Variants in RUSC2 observed in about 807,000 individuals in gnomAD.
The protein encoded by RUSC2 is AP-4 complex accessory subunit RUSC2.
Under a neutral mutation model 122.2 loss-of-function variants are expected in RUSC2, and 34 were observed. That is an observed-to-expected ratio of 0.28 (90% CI 0.21 to 0.37). The LOEUF (loss-of-function observed/expected upper bound fraction) is 0.37. RUSC2 is among the 10% of genes least tolerant of loss of function. The pLI is 1.00. For synonymous variants in RUSC2, 784 were observed against 790.0 expected (o/e 0.99, Z 0.13); for missense variants, 1,747 against 1,952.4 (o/e 0.89, Z 1.98).
At chr9:35,542,665 A>G (rs1230982891) in intron 1 of RUSC2, among the ~76,000 whole-genome samples, 1 of 152,234 alleles carries the variant, frequency 6.6e-6, no homozygotes, top group East Asian at 1.9e-4. Context: ...TTCCAAGCAC[A>G]GAGTTCACTG....
At chr9:35,516,641 C>T (rs76431350) in intron 1 of RUSC2, among the ~76,000 whole-genome samples, 3,555 of 152,270 alleles carry the variant, frequency 0.023, 124 homozygotes, top group African/African-American at 0.082. Context: ...TCTTCCTTCA[C>T]ATTCCTCAGT....
intron 2 of RUSC2, among the ~76,000 whole-genome samples, chr9:35,554,238 A>G (rs1821959801): frequency 6.6e-6 from 1 of 152,188 alleles, no homozygotes; most frequent in Admixed American, 6.5e-5. Flanking sequence ...AGTTCTGAGC[A>G]CCACGTTTTG....
chr9:35,513,819 G>GTGGGCAACATA (rs1821052467), intron 1 of RUSC2, among the ~76,000 whole-genome samples: 1 of 148,656 alleles, frequency 6.7e-6, no homozygotes, highest in Admixed American at 6.7e-5. Context: ...TGAGACCAGT[G>GTGGGCAACATA]TGGGCAACAT....
intron 1 of RUSC2, among the ~76,000 whole-genome samples, chr9:35,510,701 G>A (rs193043873): frequency 2.0e-5 from 3 of 152,240 alleles, no homozygotes; most frequent in Admixed American, 1.3e-4. Flanking sequence ...TCTCAGGGCC[G>A]CAGATTCCTT....
chr9:35,504,818 TC>T (rs1820882374), intron 1 of RUSC2, among the ~76,000 whole-genome samples: 1 of 152,180 alleles, frequency 6.6e-6, no homozygotes, highest in African/African-American at 2.4e-5. Context: ...ATGGCATGAT[TC>T]CACTTGTATT....
chr9:35,558,482 C>A lies in RUSC2; in HGVS notation c.3256C>A (p.His1086Asn), dbSNP rs1261710817. Residue 1086 changes from histidine (H) to asparagine (N), a missense_variant, in exon 8 of 12, where the codon CAT becomes AAT. By Grantham distance (68) the His-to-Asn change is moderately conservative (BLOSUM62 1). Transcript: ENST00000361226. The surrounding 1 kb of genome is among the most constrained non-coding windows in gnomAD (Gnocchi z 4.3). Reference protein sequence around the residue: ...TQLGPSTKVLHGLYNKVSQFP... With the variant: ...TQLGPSTKVLNGLYNKVSQFP... ...CCCAGGCCCATCCACCAAGGTCCTGCATGGCCTCTACAACAAAGTCAGCCA... is the reference window on the plus strand; with the variant it reads ...CCCAGGCCCATCCACCAAGGTCCTGAATGGCCTCTACAACAAAGTCAGCCA... 1.2e-6 allele frequency: 2 copies of A among 1,614,160 alleles called. No individual in the cohort carries two copies. Among genetic ancestry groups the A allele is most frequent in the Non-Finnish European group, 1.7e-6 (2 of 1,180,012 alleles).
At position 35,558,608 on chromosome 9, in the gene RUSC2, C is replaced by G; in HGVS notation, c.3341+41C>G. 1 of 1,499,646 alleles carries G rather than the reference C, an allele frequency of 6.7e-7. No individual in the cohort carries two copies. Among genetic ancestry groups the G allele is most frequent in the Non-Finnish European group, 9.3e-7 (1 of 1,076,208 alleles). The allele number at this position is 1,499,646 out of a possible 1,614,324, so 92.9% of individuals were successfully genotyped here. Reference sequence around the variant, plus strand: ...AGCAAGATCCCCTAAACAACTTGCCCTGCCCCCCACCCCCGGGCTCTGCCT... The same window carrying G: ...AGCAAGATCCCCTAAACAACTTGCCGTGCCCCCCACCCCCGGGCTCTGCCT... On this transcript the variant is annotated intron_variant, in intron 8 of 11. Transcript: ENST00000361226. The surrounding 1 kb of genome is among the most constrained non-coding windows in gnomAD (Gnocchi z 4.3).
intron 1 of RUSC2, among the ~76,000 whole-genome samples, chr9:35,491,463 T>C (rs552156836): frequency 7.2e-5 from 11 of 152,354 alleles, no homozygotes; most frequent in African/African-American, 2.6e-4. Context: ...CGTCCTGCTG[T>C]ATGGCCAGCC....
chr9:35,497,752 G>T (rs1440990777), intron 1 of RUSC2, among the ~76,000 whole-genome samples: 1 of 152,170 alleles, frequency 6.6e-6, no homozygotes, highest in African/African-American at 2.4e-5. Flanking sequence ...AGATGTAGAG[G>T]CTATTAAACA....
chr9:35,547,017 G>A lies in RUSC2; in HGVS notation c.496G>A (p.Ala166Thr), dbSNP rs756839066. ...GRPWGTTRSR[A>T]GVVEGQEQEP... ...GCCATGGGGGACAACACGCAGTCGG[G>A]CTGGAGTGGTGGAAGGGCAGGAACA... Residue 166 changes from alanine to threonine, a missense_variant, in exon 2 of 12, where the codon GCT becomes ACT. Coordinates refer to ENST00000361226, the MANE Select transcript of RUSC2 (RefSeq NM_014806.5). This position sits in a 1 kb window ranked among gnomAD's most constrained non-coding sequence, Gnocchi z 4.6. The A allele has an allele frequency of 6.2e-7, 1 of 1,607,472 alleles. No individual in the cohort carries two copies. The highest frequency in any genetic ancestry group is 8.5e-7 in the Non-Finnish European group (1 of 1,176,010).
chr9:35,554,155 G>T (rs1485682298), intron 2 of RUSC2, among the ~76,000 whole-genome samples: 3 of 151,858 alleles, frequency 2.0e-5, no homozygotes, highest in Non-Finnish European at 4.4e-5. Flanking sequence ...ACGTTTATTC[G>T]GAGATCTACA....
intron 1 of RUSC2, among the ~76,000 whole-genome samples, chr9:35,544,830 C>T (rs1336406605): frequency 6.6e-6 from 1 of 152,088 alleles, no homozygotes; most frequent in African/African-American, 2.4e-5. Context: ...AAGAAACCAT[C>T]ACCTAATCCA....
At chr9:35,520,195 G>A (rs1181541518) in intron 1 of RUSC2, among the ~76,000 whole-genome samples, 1 of 152,144 alleles carries the variant, frequency 6.6e-6, no homozygotes, top group East Asian at 1.9e-4. Context: ...AGACTAGCAG[G>A]GCAAGCCTCC....
Position 35,548,428 on chromosome 9 carries a change from G to A in RUSC2, c.1907G>A (p.Arg636Lys). The change falls in exon 2 of 12, where the codon AGA becomes AAA. Residue 636 changes from arginine (R) to lysine (K), a missense_variant. Transcript: ENST00000361226. This position sits in a 1 kb window ranked among gnomAD's most constrained non-coding sequence, Gnocchi z 4.5. ...AGTGAGATGCCTCCTGCTGGCCTCA[G>A]AGCTACTGGGCAAGGCCCCCTGGCT... ...HSSEMPPAGL[R>K]ATGQGPLAQL... 1 of 1,614,002 alleles carries A rather than the reference G, an allele frequency of 6.2e-7. No homozygotes were observed. Among genetic ancestry groups the A allele is most frequent in the Non-Finnish European group, 8.5e-7 (1 of 1,180,036 alleles).
intron 1 of RUSC2, among the ~76,000 whole-genome samples, chr9:35,515,332 A>C (rs1374310966): frequency 6.6e-6 from 1 of 152,158 alleles, no homozygotes; most frequent in African/African-American, 2.4e-5. Flanking sequence ...TAAAAGTGTC[A>C]TACTTGTGAT....
chr9:35,548,634 C>A lies in RUSC2; in HGVS notation c.2014+99C>A. 6.9e-7 allele frequency: 1 copy of A among 1,445,240 alleles called. No homozygotes were observed. Among genetic ancestry groups the A allele is most frequent in the Non-Finnish European group, 9.1e-7 (1 of 1,103,808 alleles). 89.5% of individuals were successfully genotyped at this position (1,445,240 alleles called of 1,614,324 possible). On this transcript the variant is annotated intron_variant, in intron 2 of 11. Coordinates refer to ENST00000361226, the MANE Select transcript of RUSC2 (RefSeq NM_014806.5). This position sits in a 1 kb window ranked among gnomAD's most constrained non-coding sequence, Gnocchi z 4.5. ...CCCTGCCAGACCACCCCATCCATAC[C>A]ACTAGAGGTTCCACATCCTAGATCT...
At chr9:35,518,933 AT>A in intron 1 of RUSC2, among the ~76,000 whole-genome samples, 1 of 152,204 alleles carries the variant, frequency 6.6e-6, no homozygotes, top group Admixed American at 6.5e-5. Context: ...AATGCAGCCA[AT>A]TTGTGTGTGT....
intron 1 of RUSC2, among the ~76,000 whole-genome samples, chr9:35,530,625 GT>G (rs1821401815): frequency 6.6e-6 from 1 of 151,842 alleles, no homozygotes; most frequent in South Asian, 2.1e-4. Flanking sequence ...AATTTTGGGG[GT>G]TTTTTGGTTG....
chr9:35,551,355 C>T (rs939582532), intron 2 of RUSC2, among the ~76,000 whole-genome samples: 21 of 152,148 alleles, frequency 1.4e-4, no homozygotes, highest in African/African-American at 5.1e-4. Context: ...AATATCTGTG[C>T]TGTCAGGGAG....
Sources: allele counts gnomAD v4.1 joint callset (sites outside exome capture counted in the v4.1 genomes callset), GRCh38; gene constraint gnomAD v4.1.1; non-coding constraint Gnocchi (gnomAD v3.1); transcripts MANE v1.5; gene names NCBI Gene and HGNC (gene_info 2026-07-23, HGNC 2026-07-21).